The following INTS14 variants were observed in gnomAD, a reference collection of about 807,000 sequenced individuals.
INTS14 encodes the protein integrator complex subunit 14, also known as UPF0464 protein C15orf44.
In INTS14, 27 loss-of-function variants were observed where a neutral mutation model predicts 56.9. The observed-to-expected ratio is 0.47, with a 90% CI of 0.35 to 0.65. The LOEUF (loss-of-function observed/expected upper bound fraction) is 0.65, where lower values mean the gene tolerates loss of function less well. INTS14 is among the 30% of genes least tolerant of loss of function. INTS14 has a pLI of 0.00. For synonymous variants in INTS14, 207 were observed against 236.2 expected, an observed-to-expected ratio of 0.88 and a Z score of 1.13; for missense variants, 517 against 632.2, an observed-to-expected ratio of 0.82 and a Z score of 1.95.
At chr15:65,599,544 CAG>C (rs1482017032) in intron 4 of INTS14, 1 of 423,278 alleles carries the variant, frequency 2.4e-6, no homozygotes, top group African/African-American at 2.0e-5. Context: ...ATGCACCCAT[CAG>C]CAGGATGGAT....
chr15:65,610,611 G>T, intron 1 of INTS14: 1 of 1,459,702 alleles, frequency 6.9e-7, no homozygotes, highest in Non-Finnish European at 9.3e-7. Context: ...GTGATAATTA[G>T]CTCATTCATA....
intron 11 of INTS14, among the ~76,000 whole-genome samples, chr15:65,580,146 G>GT (rs1408449627): frequency 1.3e-5 from 2 of 152,128 alleles, no homozygotes; most frequent in African/African-American, 4.8e-5. Context: ...AGAAAGGCTG[G>GT]TTACTGATAG....
At chr15:65,580,065 G>T (rs1016297509) in intron 11 of INTS14, among the ~76,000 whole-genome samples, 1 of 152,136 alleles carries the variant, frequency 6.6e-6, no homozygotes, top group Non-Finnish European at 1.5e-5. Flanking sequence ...CTGTGGTGGG[G>T]CCTCAGGCTA....
rs146054059 is a variant in INTS14 at position 65,605,350 on chromosome 15, A to G, written c.223-114T>C. 1,483 of 726,056 alleles carry G rather than the reference A, an allele frequency of 2.0e-3. 14 individuals are homozygous for G. Among genetic ancestry groups the G allele is most frequent in the Middle Eastern group, 5.1e-3 (21 of 4,112 alleles). 45.0% of individuals were successfully genotyped at this position (726,056 alleles called of 1,614,324 possible). A position where few individuals can be genotyped will look rare whatever the true frequency, so the allele number is the denominator to read the frequency against. Reference sequence around the variant, plus strand: ...TACACAGGGGACACTGATGTATCTGAGAGCACCAAAGCATAGCTTCTTAAA... The same window carrying G: ...TACACAGGGGACACTGATGTATCTGGGAGCACCAAAGCATAGCTTCTTAAA... On this transcript the variant is annotated intron_variant, in intron 2 of 11. Coordinates refer to ENST00000313182, the MANE Select transcript of INTS14 (RefSeq NM_001394796.1).
chr15:65,594,558 T>A (rs2073145392), intron 7 of INTS14, among the ~76,000 whole-genome samples: 1 of 141,346 alleles, frequency 7.1e-6, no homozygotes, highest in Non-Finnish European at 1.5e-5. Context: ...ACGCCCAGGT[T>A]TTTTTTTTTT....
chr15:65,582,058 T>C, intron 10 of INTS14, 39 bp from the exon 11 acceptor site: 1 of 1,533,754 alleles, frequency 6.5e-7, no homozygotes, highest in African/African-American at 1.4e-5. Context: ...ATTAGAATTC[T>C]GTGGTAAAAA....
At chr15:65,595,635 C>A in intron 7 of INTS14, 98 bp downstream of exon 7, 1 of 893,174 alleles carries the variant, frequency 1.1e-6, no homozygotes, top group South Asian at 1.6e-5. Flanking sequence ...TATTCCTTTC[C>A]CCTAAATTCT....
intron 9 of INTS14, among the ~76,000 whole-genome samples, chr15:65,587,861 G>T (rs929370884): frequency 6.6e-6 from 1 of 151,996 alleles, no homozygotes; most frequent in African/African-American, 2.4e-5. Context: ...ATGCACCCGT[G>T]GTCCCAGCCA....
At chr15:65,604,680 T>C (rs553966360) in intron 3 of INTS14, among the ~76,000 whole-genome samples, 18 of 134,172 alleles carry the variant, frequency 1.3e-4, no homozygotes, top group African/African-American at 4.9e-4. Flanking sequence ...CAGTGAGCCA[T>C]AATAGCTCCA....
At chr15:65,608,912 G>A (rs1372169148) in intron 1 of INTS14, among the ~76,000 whole-genome samples, 2 of 152,010 alleles carry the variant, frequency 1.3e-5, no homozygotes, top group African/African-American at 2.4e-5. Flanking sequence ...TTTTGTTTTT[G>A]AGACGGAGTC....
At chr15:65,610,313 C>G (rs1013165781) in intron 1 of INTS14, among the ~76,000 whole-genome samples, 1 of 152,142 alleles carries the variant, frequency 6.6e-6, no homozygotes, top group African/African-American at 2.4e-5. Context: ...GAGCCGAGAT[C>G]GCGCCACTGC....
intron 6 of INTS14, among the ~76,000 whole-genome samples, chr15:65,597,552 T>A (rs1414062586): frequency 6.6e-6 from 1 of 152,214 alleles, no homozygotes; most frequent in African/African-American, 2.4e-5. Context: ...AGGTAAAAGC[T>A]GTGGTACATC....
chr15:65,598,530 C>A, intron 5 of INTS14, 67 bp from the exon 6 acceptor site: 2 of 1,490,174 alleles, frequency 1.3e-6, no homozygotes, highest in East Asian at 4.7e-5. Flanking sequence ...TTTTTCAGGA[C>A]GCAAGGGTTG....
intron 11 of INTS14, among the ~76,000 whole-genome samples, chr15:65,580,490 G>GTA (rs1242755994): frequency 3.7e-5 from 5 of 135,486 alleles, no homozygotes; most frequent in African/African-American, 1.4e-4. Context: ...GGACTGTGTG[G>GTA]ATTATGGGCT....
intron 9 of INTS14, among the ~76,000 whole-genome samples, chr15:65,588,511 T>C (rs1414959794): frequency 1.3e-5 from 2 of 151,520 alleles, no homozygotes. Context: ...CTACTAAAAA[T>C]ACAACAATTA....
At chr15:65,584,916 A>G in intron 9 of INTS14, 28 bp from the exon 10 acceptor site, 1 of 1,579,198 alleles carries the variant, frequency 6.3e-7, no homozygotes, top group Non-Finnish European at 8.7e-7. Flanking sequence ...TCTTGAAATG[A>G]CATCTGGTAA....
Position 65,593,655 on chromosome 15 carries a change from G to T in INTS14, c.842-83C>A. ...CAATTTATACTCTTGGATGTTTCTA[G>T]CCTTTAAGGGATAGTGTAGAGTTCT... On this transcript the variant is annotated intron_variant, in intron 7 of 11. Transcript: ENST00000313182. 5.4e-6 allele frequency: 8 copies of T among 1,486,586 alleles called. No homozygotes were observed. In the South Asian group the frequency reaches 1.1e-4, roughly 21 times the overall value. The allele number at this position is 1,486,586 out of a possible 1,614,324, so 92.1% of individuals were successfully genotyped here. A position where few individuals can be genotyped will look rare whatever the true frequency, so the allele number is the denominator to read the frequency against.
chr15:65,583,720 A>G (rs934406068), intron 10 of INTS14, among the ~76,000 whole-genome samples: 4 of 152,228 alleles, frequency 2.6e-5, no homozygotes, highest in African/African-American at 9.6e-5. Flanking sequence ...CCAAGATAGT[A>G]GTGAAGATTC....
intron 6 of INTS14, among the ~76,000 whole-genome samples, chr15:65,598,021 A>T (rs2073276001): frequency 6.6e-6 from 1 of 152,210 alleles, no homozygotes; most frequent in Admixed American, 6.5e-5. Flanking sequence ...TCAACAATCC[A>T]CAACTATTAC....
Sources: allele counts gnomAD v4.1 joint callset (sites outside exome capture counted in the v4.1 genomes callset), GRCh38; gene constraint gnomAD v4.1.1; transcripts MANE v1.5; gene names NCBI Gene and HGNC (gene_info 2026-07-23, HGNC 2026-07-21).